GRM7: variants seen among roughly 807,000 people sequenced by gnomAD.
The protein encoded by GRM7 is metabotropic glutamate receptor 7.
In GRM7, 35 loss-of-function variants were observed where a neutral mutation model predicts 84.5. The ratio of observed to expected loss-of-function variants is 0.41; its 90% CI spans 0.32 to 0.55. GRM7 has a LOEUF of 0.55. Among genes scored for constraint, GRM7 ranks in the 20% least tolerant of loss-of-function variants. The pLI, the probability that GRM7 is intolerant of heterozygous loss-of-function variation, is 0.19. For synonymous variants in GRM7, 487 were observed against 455.1 expected (o/e 1.07, Z -0.89); for missense variants, 1,003 against 1,194.6 (o/e 0.84, Z 2.36).
At position 7,411,181 on chromosome 3, in the gene GRM7, A is replaced by T. The variant is rs1285760582; in HGVS notation, c.1034-3842A>T. 1.3e-5 allele frequency among the ~76,000 whole-genome samples: 2 copies of T among 152,354 alleles called. 1 individual carries two copies. The highest frequency in any genetic ancestry group is 1.3e-4 in the Admixed American group (2 of 15,300). On this transcript the variant is annotated intron_variant, in intron 4 of 9. Coordinates refer to ENST00000357716, the MANE Select transcript of GRM7 (RefSeq NM_000844.4). The stretch of plus-strand genomic sequence containing the variant: ...AATAATCCAGGATCATCCTGTCAAG[A>T]GATCCCTAAATTAATTTTATTTGTG...
Position 7,740,337 on chromosome 3 carries a change from C to CT in GRM7, c.2699-17dup, listed in dbSNP as rs1237096836. 1 of 1,536,816 alleles carries CT rather than the reference C, an allele frequency of 6.5e-7. No individual in the cohort carries two copies. The highest frequency in any genetic ancestry group is 8.9e-7 in the Non-Finnish European group (1 of 1,120,238). On this transcript the variant is annotated intron_variant, in intron 9 of 9. Transcript: ENST00000357716. ...AACAGGGTTATTACTGCAACTGACA[C>CT]TTTCTAATTTTTCTTTCAGGCCCTG...
chr3:7,289,972 C>T (rs574197873), intron 2 of GRM7, among the ~76,000 whole-genome samples: 12 of 151,396 alleles, frequency 7.9e-5, no homozygotes, highest in African/African-American at 2.4e-4. Flanking sequence ...CAAACCTGCA[C>T]GTTGTGCACA....
At chr3:7,653,992 G>A (rs927474508) in intron 8 of GRM7, among the ~76,000 whole-genome samples, 1 of 152,094 alleles carries the variant, frequency 6.6e-6, no homozygotes, top group Admixed American at 6.5e-5. Context: ...ATCTTGATGT[G>A]ACAGCACTTT....
intron 4 of GRM7, among the ~76,000 whole-genome samples, chr3:7,411,884 T>C (rs1207086958): frequency 6.6e-6 from 1 of 152,182 alleles, no homozygotes; most frequent in Non-Finnish European, 1.5e-5. Flanking sequence ...GCCTATTTTT[T>C]AAAATTTTTG....
At chr3:7,707,092 C>T (rs1701416643) in intron 9 of GRM7, among the ~76,000 whole-genome samples, 1 of 152,230 alleles carries the variant, frequency 6.6e-6, no homozygotes, top group East Asian at 1.9e-4. Context: ...CTACTTTTCT[C>T]ATAATAAGCA....
chr3:7,712,338 T>C (rs1701608250), intron 9 of GRM7, among the ~76,000 whole-genome samples: 1 of 152,212 alleles, frequency 6.6e-6, no homozygotes, highest in South Asian at 2.1e-4. Flanking sequence ...GCTGTAGGAC[T>C]GTGCTGGGGC....
intron 2 of GRM7, among the ~76,000 whole-genome samples, chr3:7,161,437 A>C (rs1018900968): frequency 6.6e-6 from 1 of 151,604 alleles, no homozygotes; most frequent in Non-Finnish European, 1.5e-5. Flanking sequence ...AAAAAAAAAA[A>C]AGAGAAATGT....
intron 1 of GRM7, among the ~76,000 whole-genome samples, chr3:7,063,810 CATCT>C (rs1420279224): frequency 2.0e-5 from 3 of 151,674 alleles, no homozygotes; most frequent in African/African-American, 7.3e-5. Flanking sequence ...CTTTTCTCCC[CATCT>C]GAGTCTGCAT....
chr3:7,741,367 T>A lies in GRM7; in HGVS notation c.*961T>A, dbSNP rs1041677381. 6.6e-6 allele frequency: 1 copy of A among 152,606 alleles called. No individual in the cohort carries two copies. Among genetic ancestry groups the A allele is most frequent in the Non-Finnish European group, 1.5e-5 (1 of 68,032 alleles). 9.5% of individuals were successfully genotyped at this position (152,606 alleles called of 1,614,324 possible). ...TAAGGACTTTAGGAAAAAAAGCATG[T>A]ATGTTTTTTACTGTTTGTAATAAGT... On this transcript the variant is annotated 3_prime_UTR_variant, in exon 10 of 10. Coordinates refer to ENST00000357716, the MANE Select transcript of GRM7 (RefSeq NM_000844.4).
intron 7 of GRM7, among the ~76,000 whole-genome samples, chr3:7,571,720 C>A (rs1364858775): frequency 1.3e-5 from 2 of 152,186 alleles, no homozygotes; most frequent in African/African-American, 4.8e-5. Context: ...TTTCAGGTAT[C>A]TTTTCAGCAG....
At chr3:7,156,952 A>G (rs1694469702) in intron 2 of GRM7, among the ~76,000 whole-genome samples, 1 of 151,230 alleles carries the variant, frequency 6.6e-6, no homozygotes, top group Non-Finnish European at 1.5e-5. Context: ...GGGATACTTA[A>G]GCAGAAAAAA....
intron 4 of GRM7, among the ~76,000 whole-genome samples, chr3:7,335,808 G>A (rs541497026): frequency 1.3e-5 from 2 of 151,898 alleles, no homozygotes; most frequent in Non-Finnish European, 2.9e-5. Context: ...AAACCTAGAG[G>A]ACATAGATAC....
chr3:6,901,401 C>A (rs1015177795), intron 1 of GRM7, among the ~76,000 whole-genome samples: 1 of 151,714 alleles, frequency 6.6e-6, no homozygotes, highest in Non-Finnish European at 1.5e-5. Context: ...AGATCAAGAC[C>A]GTCCTGGCCA....
chr3:6,921,118 C>T (rs891276292), intron 1 of GRM7, among the ~76,000 whole-genome samples: 1 of 152,192 alleles, frequency 6.6e-6, no homozygotes, highest in African/African-American at 2.4e-5. Flanking sequence ...TGTATTAGTC[C>T]ATGCTGCATC....
intron 2 of GRM7, among the ~76,000 whole-genome samples, chr3:7,218,694 C>G (rs1200738832): frequency 6.6e-6 from 1 of 152,002 alleles, no homozygotes; most frequent in African/African-American, 2.4e-5. Flanking sequence ...AGCTACTTGA[C>G]TGTGCCCTTC....
chr3:6,868,498 C>G (rs774987402), intron 1 of GRM7, among the ~76,000 whole-genome samples: 1 of 152,152 alleles, frequency 6.6e-6, no homozygotes, highest in Non-Finnish European at 1.5e-5. Context: ...CTCCCTTATA[C>G]AACAAGTAGC....
rs540938023 is a variant in GRM7, at chr3:7,029,178, C to G, written c.520-117274C>G. Among the ~76,000 whole-genome samples, 12 of 152,128 alleles carry G rather than the reference C, an allele frequency of 7.9e-5. No individual in the cohort carries two copies. The East Asian group carries it at 2.3e-3, about 30-fold the overall frequency. On this transcript the variant is annotated intron_variant, in intron 1 of 9. Coordinates refer to ENST00000357716, the MANE Select transcript of GRM7 (RefSeq NM_000844.4). Reference sequence around the variant, plus strand: ...AATTAGTTTGGTGTGGTTGCACACACTTGTAATCGTAGCTACTTGGGAGGC... The same window carrying G: ...AATTAGTTTGGTGTGGTTGCACACAGTTGTAATCGTAGCTACTTGGGAGGC...
intron 2 of GRM7, among the ~76,000 whole-genome samples, chr3:7,213,047 C>A (rs1482602250): frequency 6.6e-6 from 1 of 152,146 alleles, no homozygotes; most frequent in Non-Finnish European, 1.5e-5. Context: ...TTTTTACCAT[C>A]CTGATTCTGT....
intron 8 of GRM7, among the ~76,000 whole-genome samples, chr3:7,639,745 A>G (rs913712745): frequency 1.3e-5 from 2 of 152,188 alleles, no homozygotes; most frequent in Non-Finnish European, 2.9e-5. Context: ...TGAAATGTAC[A>G]AGTCTTAAAT....
Sources: gnomAD v4.1 joint callset for allele counts (sites outside exome capture counted in the v4.1 genomes callset) on GRCh38, gnomAD v4.1.1 for gene constraint, MANE v1.5 for transcripts, NCBI Gene and HGNC (gene_info 2026-07-23, HGNC 2026-07-21) for gene names.